CYB5R4: variants seen among roughly 807,000 people sequenced by gnomAD.
The protein encoded by CYB5R4 is N-terminal cytochrome b5 and cytochrome b5 oxidoreductase domain-containing protein.
Under a neutral mutation model 70.2 loss-of-function variants are expected in CYB5R4, and 55 were observed. The observed-to-expected ratio is 0.78, with a 90% CI of 0.63 to 0.98. CYB5R4 has a LOEUF of 0.98. Among genes scored for constraint, CYB5R4 ranks in the 50% least tolerant of loss-of-function variants. CYB5R4 has a pLI of 0.00. For synonymous variants in CYB5R4, 197 were observed against 199.5 expected (o/e 0.99, Z 0.11); for missense variants, 562 against 612.6 (o/e 0.92, Z 0.87).
At chr6:83,927,669 A>G (rs2099467540) in intron 10 of CYB5R4, among the ~76,000 whole-genome samples, 1 of 152,220 alleles carries the variant, frequency 6.6e-6, no homozygotes, top group Non-Finnish European at 1.5e-5. Flanking sequence ...CAGTGATTGC[A>G]TCACCCTCCA....
At chr6:83,917,975 G>T in intron 5 of CYB5R4, 30 bp from the exon 6 acceptor site, 1 of 1,574,362 alleles carries the variant, frequency 6.4e-7, no homozygotes, top group Non-Finnish European at 8.7e-7. Context: ...ATACTTTGTA[G>T]ATGAACTATA....
rs1204973984 is a variant in CYB5R4, at chr6:83,963,271, T to TA, written c.*3394dup. 1 of 152,164 alleles carries TA rather than the reference T, an allele frequency of 6.6e-6. No individual in the cohort carries two copies. The highest frequency in any genetic ancestry group is 2.4e-5 in the African/African-American group (1 of 41,448). The allele number at this position is 152,164 out of a possible 1,614,324, so 9.4% of individuals were successfully genotyped here. On this transcript the variant is annotated 3_prime_UTR_variant, in exon 16 of 16. Transcript: ENST00000369681. The stretch of plus-strand genomic sequence containing the variant: ...GCCCTTGCTATGGGCCCTCAGTTTT[T>TA]ACCTTAATGTAACAGAACATGAGAG...
intron 14 of CYB5R4, among the ~76,000 whole-genome samples, chr6:83,947,916 T>C (rs755897485): frequency 1.3e-5 from 2 of 152,190 alleles, no homozygotes; most frequent in Non-Finnish European, 2.9e-5. Flanking sequence ...TTTTACACTG[T>C]TGGCAGGAGT....
At position 83,955,327 on chromosome 6, in the gene CYB5R4, C is replaced by T; in HGVS notation, c.1376C>T (p.Pro459Leu). ...RLDVEFVLSAPISEWNGKQGH... is the reference protein window; with the variant it reads ...RLDVEFVLSALISEWNGKQGH... ...GATGTTGAATTTGTTCTCTCAGCAC[C>T]TATTTCTGAATGGAATGGCAAACAG... Residue 459 changes from proline to leucine, a missense_variant, in exon 15 of 16, where the codon CCT becomes CTT. Transcript: ENST00000369681. 2 of 1,613,610 alleles carry T rather than the reference C, an allele frequency of 1.2e-6. No individual in the cohort carries two copies. The highest frequency in any genetic ancestry group is 1.7e-6 in the Non-Finnish European group (2 of 1,179,768).
chr6:83,926,198 C>A (rs1588578742), intron 10 of CYB5R4: 1 of 152,142 alleles, frequency 6.6e-6, no homozygotes, highest in Non-Finnish European at 1.5e-5. Context: ...CGGTTATATT[C>A]ACTATATGGC....
Position 83,967,365 on chromosome 6 carries a change from G to A in CYB5R4, c.*7487G>A, listed in dbSNP as rs2099474246. On this transcript the variant is annotated 3_prime_UTR_variant, in exon 16 of 16. Transcript: ENST00000369681. ...AGTAGTTTTGGCAGTGGTTGTATTA[G>A]TATTGTTATTCTGAAGATGTGAAAT... 2.6e-5 allele frequency: 4 copies of A among 152,204 alleles called. No homozygotes were observed. Among genetic ancestry groups the A allele is most frequent in the African/African-American group, 7.2e-5 (3 of 41,458 alleles). 9.4% of individuals were successfully genotyped at this position (152,204 alleles called of 1,614,324 possible). A position where few individuals can be genotyped will look rare whatever the true frequency, so the allele number is the denominator to read the frequency against.
intron 8 of CYB5R4, 57 bp downstream of exon 8, chr6:83,921,232 T>C: frequency 2.2e-6 from 3 of 1,357,852 alleles, no homozygotes; most frequent in Non-Finnish European, 3.0e-6. Context: ...AATATGGCAA[T>C]AACTTGGTCT....
chr6:83,925,302 G>C (rs887495343), intron 10 of CYB5R4, among the ~76,000 whole-genome samples: 1 of 152,050 alleles, frequency 6.6e-6, no homozygotes, highest in African/African-American at 2.4e-5. Context: ...ACACCACCAA[G>C]AGGGTGGTCC....
At position 83,923,697 on chromosome 6, in the gene CYB5R4, C is replaced by A. The variant is rs560758985; in HGVS notation, c.692-773C>A. On this transcript the variant is annotated intron_variant, in intron 9 of 15. Coordinates refer to ENST00000369681, the MANE Select transcript of CYB5R4 (RefSeq NM_016230.4). ...TATCAAAGATTCACATGCACTTTATCAATTTACTCTATTGACTAGGAACTC... is the reference window on the plus strand; with the variant it reads ...TATCAAAGATTCACATGCACTTTATAAATTTACTCTATTGACTAGGAACTC... Among the ~76,000 whole-genome samples the A allele has an allele frequency of 4.6e-5, 7 of 152,096 alleles. No individual in the cohort carries two copies. The South Asian group carries it at 1.5e-3, about 32-fold the overall frequency.
At chr6:83,874,359 T>G (rs1483728060) in intron 2 of CYB5R4, among the ~76,000 whole-genome samples, 1 of 150,818 alleles carries the variant, frequency 6.6e-6, no homozygotes, top group African/African-American at 2.4e-5. Flanking sequence ...CCTGGCTACT[T>G]TTTTAAAAAA....
At chr6:83,908,061 T>G (rs2099464092) in intron 3 of CYB5R4, among the ~76,000 whole-genome samples, 1 of 151,918 alleles carries the variant, frequency 6.6e-6, no homozygotes, top group Admixed American at 6.6e-5. Context: ...CATATCACTT[T>G]CCACAATGGT....
chr6:83,882,775 C>T (rs1439937898), intron 2 of CYB5R4, among the ~76,000 whole-genome samples: 1 of 152,082 alleles, frequency 6.6e-6, no homozygotes, highest in Non-Finnish European at 1.5e-5. Flanking sequence ...ATCACGAGAT[C>T]AGGAGATCAA....
Position 83,965,518 on chromosome 6 carries a change from A to G in CYB5R4, c.*5640A>G, listed in dbSNP as rs1354213673. ...TACCTGTACCCTCATTGTATCTAGGAAGTAACTAGCTTGCTTTTGATTTTA... is the reference window on the plus strand; with the variant it reads ...TACCTGTACCCTCATTGTATCTAGGGAGTAACTAGCTTGCTTTTGATTTTA... On this transcript the variant is annotated 3_prime_UTR_variant, in exon 16 of 16. Coordinates refer to ENST00000369681, the MANE Select transcript of CYB5R4 (RefSeq NM_016230.4). The G allele has an allele frequency of 6.6e-6, 1 of 152,142 alleles. No homozygotes were observed. Among genetic ancestry groups the G allele is most frequent in the African/African-American group, 2.4e-5 (1 of 41,424 alleles). 9.4% of individuals were successfully genotyped at this position (152,142 alleles called of 1,614,324 possible).
In CYB5R4 at chr6:83,962,223, AG is replaced by A. The variant is rs2099473456; in HGVS notation, c.*2346del. The A allele has an allele frequency of 6.6e-6, 1 of 152,222 alleles. No individual in the cohort carries two copies. The highest frequency in any genetic ancestry group is 1.9e-4 in the East Asian group (1 of 5,196). 9.4% of individuals were successfully genotyped at this position (152,222 alleles called of 1,614,324 possible). ...TATCATCCCTCAGCTGGATTAGTAC[AG>A]TAGCTTGATAATTCATCTTCATGCT... On this transcript the variant is annotated 3_prime_UTR_variant, in exon 16 of 16. Coordinates refer to ENST00000369681, the MANE Select transcript of CYB5R4 (RefSeq NM_016230.4).
At chr6:83,922,619 CTTTTT>C in intron 9 of CYB5R4, 149 bp downstream of exon 9, 3 of 546,574 alleles carry the variant, frequency 5.5e-6, no homozygotes, top group South Asian at 5.2e-5. Context: ...GATGTTTTCT[CTTTTT>C]TTTTTAAACT....
At chr6:83,942,316 A>C (rs1421437495) in intron 14 of CYB5R4, among the ~76,000 whole-genome samples, 1 of 152,190 alleles carries the variant, frequency 6.6e-6, no homozygotes, top group Non-Finnish European at 1.5e-5. Context: ...GGTGCAGTCC[A>C]TGGAGGGCGA....
At chr6:83,902,874 T>TTTTGTGTCTTGTAACTTTACTGAA (rs2099463207) in intron 3 of CYB5R4, among the ~76,000 whole-genome samples, 1 of 152,170 alleles carries the variant, frequency 6.6e-6, no homozygotes, top group Non-Finnish European at 1.5e-5. Context: ...TGTATGTTGA[T>TTTTGTGTCTTGTAACTTTACTGAA]TTTGTGTCTT....
At chr6:83,899,500 C>T (rs994908343) in intron 3 of CYB5R4, among the ~76,000 whole-genome samples, 6 of 152,134 alleles carry the variant, frequency 3.9e-5, no homozygotes, top group East Asian at 1.9e-4. Flanking sequence ...AGGGAGGATT[C>T]CCTCTTTTTC....
chr6:83,874,048 G>A (rs1225149968), intron 2 of CYB5R4, among the ~76,000 whole-genome samples: 1 of 151,642 alleles, frequency 6.6e-6, no homozygotes, highest in Non-Finnish European at 1.5e-5. Flanking sequence ...GCCATATTCT[G>A]TCTTCTCCTT....
Sources: gnomAD v4.1 joint callset for allele counts (sites outside exome capture counted in the v4.1 genomes callset) on GRCh38, gnomAD v4.1.1 for gene constraint, MANE v1.5 for transcripts, NCBI Gene and HGNC (gene_info 2026-07-23, HGNC 2026-07-21) for gene names.